The following MACF1 variants were observed in gnomAD, a reference collection of about 807,000 sequenced individuals.
The protein encoded by MACF1 is microtubule actin crosslinking factor 1.
Under a neutral mutation model 854.8 loss-of-function variants are expected in MACF1, and 193 were observed. That is an observed-to-expected ratio of 0.23 (90% CI 0.20 to 0.25). The LOEUF (loss-of-function observed/expected upper bound fraction) is 0.25. Ranked by LOEUF, MACF1 falls within the 10% of genes least tolerant of loss-of-function variation. The probability of loss-of-function intolerance (pLI) is 1.00; values close to 1 mark genes in which losing one functional copy is unlikely to be tolerated. For synonymous variants in MACF1, 3,185 were observed against 3,226.7 expected (o/e 0.99, Z 0.44); for missense variants, 7,722 against 8,929.1 (o/e 0.86, Z 5.45).
chr1:39,190,681 G>T (rs1406200148), intron 2 of MACF1, among the ~76,000 whole-genome samples: 3 of 151,754 alleles, frequency 2.0e-5, no homozygotes, highest in Non-Finnish European at 4.4e-5. Flanking sequence ...TAAAAATCAG[G>T]ATCTTGAGTA....
At chr1:39,357,997 G>A in intron 45 of MACF1, 104 bp downstream of exon 45, 1 of 1,188,738 alleles carries the variant, frequency 8.4e-7, no homozygotes, top group East Asian at 2.5e-5. Context: ...GACACAGTAG[G>A]AGAGCTGATT....
chr1:39,435,492 C>A, intron 69 of MACF1, 66 bp from the exon 70 acceptor site: 1 of 1,328,132 alleles, frequency 7.5e-7, no homozygotes, highest in South Asian at 1.3e-5. Flanking sequence ...TAGCTCTGAT[C>A]AAAGTATCTA....
chr1:39,275,527 A>T (rs1645417987), intron 6 of MACF1, among the ~76,000 whole-genome samples: 1 of 152,156 alleles, frequency 6.6e-6, no homozygotes, highest in African/African-American at 2.4e-5. Flanking sequence ...ATGCCTAGCT[A>T]AGATACCATT....
At chr1:39,397,418 C>T (rs1037032584) in intron 58 of MACF1, among the ~76,000 whole-genome samples, 8 of 152,098 alleles carry the variant, frequency 5.3e-5, no homozygotes, top group African/African-American at 1.9e-4. Flanking sequence ...AAAAATTAGC[C>T]GGGCGTGGTG....
At chr1:39,464,695 C>A in intron 94 of MACF1, 1 of 202,970 alleles carries the variant, frequency 4.9e-6, no homozygotes. Context: ...GAGCGGATCA[C>A]TTGAGGTCAG....
chr1:39,428,221 G>A lies in MACF1; in HGVS notation c.16737G>A (p.Lys5579=), dbSNP rs1418834546. 6.2e-7 allele frequency: 1 copy of A among 1,614,148 alleles called. No individual in the cohort carries two copies. Among genetic ancestry groups the A allele is most frequent in the East Asian group, 2.2e-5 (1 of 44,892 alleles). The change falls in exon 63 of 101, where the codon AAG becomes AAA. Residue 5579 remains lysine (K), a synonymous_variant. Coordinates refer to ENST00000564288, the MANE Select transcript of MACF1 (RefSeq NM_001394062.1). ...ACTGGCTGGCTGAGGTTGAGGACAAGCTCAGTTCAGTGTTCGTAAAGGATT... is the reference window on the plus strand; with the variant it reads ...ACTGGCTGGCTGAGGTTGAGGACAAACTCAGTTCAGTGTTCGTAAAGGATT... The part of the protein sequence containing the change: ...VLNWLAEVED[K]LSSVFVKDFK...
At chr1:39,100,855 A>C (rs1391071358) in intron 2 of MACF1, among the ~76,000 whole-genome samples, 1 of 152,070 alleles carries the variant, frequency 6.6e-6, no homozygotes, top group Non-Finnish European at 1.5e-5. Flanking sequence ...CTCCGTTGCA[A>C]ATAAATAAAT....
intron 97 of MACF1, among the ~76,000 whole-genome samples, chr1:39,476,925 G>A (rs1287385552): frequency 1.4e-5 from 2 of 148,120 alleles, no homozygotes; most frequent in Non-Finnish European, 3.0e-5. Flanking sequence ...CTTCAAGGAC[G>A]CCTGCTCCCT....
At chr1:39,406,030 G>A (rs1013803010) in intron 58 of MACF1, among the ~76,000 whole-genome samples, 1 of 152,156 alleles carries the variant, frequency 6.6e-6, no homozygotes, top group African/African-American at 2.4e-5. Context: ...ACATGGAGGA[G>A]AACTTGTGCT....
At chr1:39,411,566 G>GAACT in intron 58 of MACF1, 3 of 1,613,838 alleles carry the variant, frequency 1.9e-6, no homozygotes, top group Non-Finnish European at 2.5e-6. Flanking sequence ...GTGGCAAACA[G>GAACT]AACTGCTCAG....
intron 62 of MACF1, 42 bp downstream of exon 62, chr1:39,427,656 T>C (rs1643769173): frequency 1.9e-6 from 3 of 1,573,722 alleles, no homozygotes; most frequent in Non-Finnish European, 2.6e-6. Context: ...AAACTGGAAT[T>C]AGAAATCCTA....
At chr1:39,211,762 T>G (rs1377590146) in intron 1 of MACF1, among the ~76,000 whole-genome samples, 2 of 151,918 alleles carry the variant, frequency 1.3e-5, no homozygotes, top group African/African-American at 4.8e-5. Context: ...GCGCCTGTAA[T>G]CCCAGCTACT....
intron 22 of MACF1, among the ~76,000 whole-genome samples, chr1:39,300,726 T>C (rs1646022062): frequency 6.6e-6 from 1 of 152,192 alleles, no homozygotes. Flanking sequence ...AAACGTACTT[T>C]TTCTATCCCT....
chr1:39,455,213 G>A lies in MACF1; in HGVS notation c.21075+116G>A, dbSNP rs532989873. 31 of 1,015,966 alleles carry A rather than the reference G, an allele frequency of 3.1e-5. No individual in the cohort carries two copies. In the South Asian group the frequency reaches 4.0e-4, roughly 13 times the overall value. 62.9% of individuals were successfully genotyped at this position (1,015,966 alleles called of 1,614,324 possible). A position where few individuals can be genotyped will look rare whatever the true frequency, so the allele number is the denominator to read the frequency against. On this transcript the variant is annotated intron_variant, in intron 89 of 100. Transcript: ENST00000564288. ...TGCTTAACACATTACCACAGACTTA[G>A]CACTGTAAAACAACACATACTTACT...
chr1:39,177,938 AT>A (rs1644052663), intron 2 of MACF1, among the ~76,000 whole-genome samples: 1 of 152,168 alleles, frequency 6.6e-6, no homozygotes, highest in South Asian at 2.1e-4. Flanking sequence ...TAAAATGGCA[AT>A]TTCCAGGAAT....
At chr1:39,248,513 T>G (rs1645006695) in intron 2 of MACF1, among the ~76,000 whole-genome samples, 1 of 151,988 alleles carries the variant, frequency 6.6e-6, no homozygotes, top group South Asian at 2.1e-4. Flanking sequence ...CCTCCTGCTC[T>G]ACTTTCAGAG....
rs937928579 is a variant in MACF1 at position 39,359,247 on chromosome 1, A to G, written c.12227A>G (p.His4076Arg). 2.5e-6 allele frequency: 4 copies of G among 1,614,092 alleles called. No individual in the cohort carries two copies. Among genetic ancestry groups the G allele is most frequent in the African/African-American group, 2.7e-5 (2 of 74,946 alleles). Reference protein sequence around the residue: ...IEGEPAPDHRHVQETTDSILS... With the variant: ...IEGEPAPDHRRVQETTDSILS... ...GGGGAGCCAGCCCCAGACCACAGGC[A>G]TGTTCAAGAAACTACAGGTATAAAG... Residue 4076 changes from histidine (H) to arginine (R), a missense_variant, in exon 47 of 101, where the codon CAT becomes CGT. Around this residue, in one of 15 missense-constraint regions of MACF1, gnomAD observed 2,807 missense variants for 3,235.8 expected, o/e 0.87. Transcript: ENST00000564288.
At chr1:39,314,569 T>TCTCACA (rs1379643806) in intron 26 of MACF1, among the ~76,000 whole-genome samples, 2,603 of 65,272 alleles carry the variant, frequency 0.04, 52 homozygotes, top group Middle Eastern at 0.082. Context: ...TCTCTCTCTC[T>TCTCACA]CACACACACA....
chr1:39,123,360 A>G (rs1171716453), intron 2 of MACF1, among the ~76,000 whole-genome samples: 4 of 150,812 alleles, frequency 2.7e-5, no homozygotes, highest in Non-Finnish European at 5.9e-5. Context: ...GGTGCATGCC[A>G]TCACACCCGG....
Sources: allele counts gnomAD v4.1 joint callset (sites outside exome capture counted in the v4.1 genomes callset), GRCh38; gene constraint gnomAD v4.1.1; regional missense constraint gnomAD v4.1.1; transcripts MANE v1.5; gene names NCBI Gene and HGNC (gene_info 2026-07-23, HGNC 2026-07-21).